PRKN: variants seen among roughly 807,000 people sequenced by gnomAD.
The protein encoded by PRKN is parkin RBR E3 ubiquitin protein ligase, also known as E3 ubiquitin-protein ligase parkin.
In PRKN, 56 loss-of-function variants were observed where a neutral mutation model predicts 59.5. The ratio of observed to expected loss-of-function variants is 0.94; its 90% CI spans 0.76 to 1.18. The LOEUF (loss-of-function observed/expected upper bound fraction) is 1.18, where lower values mean the gene tolerates loss of function less well. PRKN is among the 50% of genes most tolerant of loss of function. The probability of loss-of-function intolerance (pLI) is 0.00; values close to 1 mark genes in which losing one functional copy is unlikely to be tolerated. For synonymous variants in PRKN, 250 were observed against 222.1 expected, an observed-to-expected ratio of 1.13 and a Z score of -1.12; for missense variants, 657 against 596.4, an observed-to-expected ratio of 1.10 and a Z score of -1.06.
At chr6:162,140,321 A>G (rs1781723708) in intron 4 of PRKN, among the ~76,000 whole-genome samples, 1 of 152,238 alleles carries the variant, frequency 6.6e-6, no homozygotes, top group Non-Finnish European at 1.5e-5. Flanking sequence ...TATGGCAGGT[A>G]ATCATTTGCA....
chr6:161,687,525 C>T (rs1456192781), intron 7 of PRKN, among the ~76,000 whole-genome samples: 2 of 150,624 alleles, frequency 1.3e-5, no homozygotes, highest in Non-Finnish European at 3.0e-5. Context: ...GGCACCATCT[C>T]GGCTCACTGC....
chr6:161,866,018 T>C (rs1319753015), intron 6 of PRKN, among the ~76,000 whole-genome samples: 1 of 152,146 alleles, frequency 6.6e-6, no homozygotes, highest in Non-Finnish European at 1.5e-5. Context: ...TTTGAGCCCA[T>C]TGTAAGGTTA....
chr6:162,387,549 CACACACAGAGAGAG>C (rs1224018883), intron 2 of PRKN, among the ~76,000 whole-genome samples: 5 of 75,384 alleles, frequency 6.6e-5, no homozygotes, highest in African/African-American at 3.0e-4. Flanking sequence ...CACACACACA[CACACACAGAGAGAG>C]AGAGAGAGAG....
intron 1 of PRKN, among the ~76,000 whole-genome samples, chr6:162,672,875 A>C (rs907002764): frequency 3.3e-5 from 5 of 152,204 alleles, no homozygotes; most frequent in African/African-American, 4.8e-5. Flanking sequence ...AATACATATC[A>C]AATGTCTTGA....
chr6:162,029,227 G>C (rs1383998383), intron 5 of PRKN, among the ~76,000 whole-genome samples: 1 of 152,088 alleles, frequency 6.6e-6, no homozygotes, highest in Non-Finnish European at 1.5e-5. Context: ...CAGTCACTGG[G>C]TCTGACATTT....
At chr6:162,026,808 G>T (rs1445670368) in intron 5 of PRKN, among the ~76,000 whole-genome samples, 2 of 151,990 alleles carry the variant, frequency 1.3e-5, no homozygotes, top group Non-Finnish European at 2.9e-5. Flanking sequence ...GCAAATTATT[G>T]GTATGTTGTT....
rs140637574 is a variant in PRKN, at chr6:161,907,145, C to T, written c.734+66157G>A. ...CCTCTGAGATGTGAAATTTTCAGTA[C>T]TATTCCTATGGCTTTGTTCTTTTCT... On this transcript the variant is annotated intron_variant, in intron 6 of 11. Coordinates refer to ENST00000366898, the MANE Select transcript of PRKN (RefSeq NM_004562.3). Among the ~76,000 whole-genome samples the T allele has an allele frequency of 1.1e-3, 173 of 152,288 alleles. 1 individual carries two copies. The highest frequency in any genetic ancestry group is 3.9e-3 in the African/African-American group (164 of 41,568).
intron 7 of PRKN, among the ~76,000 whole-genome samples, chr6:161,666,788 G>A (rs1784742010): frequency 6.6e-6 from 1 of 152,142 alleles, no homozygotes; most frequent in Non-Finnish European, 1.5e-5. Context: ...TTGCTGCCTG[G>A]AAGAAAGCAG....
intron 6 of PRKN, among the ~76,000 whole-genome samples, chr6:161,957,409 G>GTTGTTTTTTTTTTTTTTTTTTTTTTTTTT (rs1562418017): frequency 1.6e-5 from 2 of 127,394 alleles, no homozygotes. Context: ...TGTTCTTGTT[G>GTTGTTTTTTTTTTTTTTTTTTTTTTTTTT]TTTTTTTTTT....
chr6:162,194,450 C>T (rs1784414650), intron 4 of PRKN, among the ~76,000 whole-genome samples: 1 of 151,894 alleles, frequency 6.6e-6, no homozygotes, highest in South Asian at 2.1e-4. Flanking sequence ...GGTTTGAAAC[C>T]CAGGCATGAA....
chr6:162,527,345 T>A (rs1437776316), intron 1 of PRKN, among the ~76,000 whole-genome samples: 1 of 152,192 alleles, frequency 6.6e-6, no homozygotes, highest in East Asian at 1.9e-4. Flanking sequence ...TCTTCGAAGG[T>A]ATGCAAAAAC....
chr6:162,235,626 C>T (rs559616766), intron 3 of PRKN, among the ~76,000 whole-genome samples: 110 of 151,898 alleles, frequency 7.2e-4, no homozygotes, highest in Non-Finnish European at 1.1e-3. Flanking sequence ...GCCAACATGG[C>T]GAAACCCTGT....
intron 1 of PRKN, among the ~76,000 whole-genome samples, chr6:162,700,030 G>C (rs1778097779): frequency 6.6e-6 from 1 of 152,080 alleles, no homozygotes; most frequent in Non-Finnish European, 1.5e-5. Context: ...AATAATCATT[G>C]ACGAGCTAAC....
chr6:162,417,980 A>G (rs933198670), intron 2 of PRKN, among the ~76,000 whole-genome samples: 2 of 152,228 alleles, frequency 1.3e-5, no homozygotes, highest in African/African-American at 4.8e-5. Flanking sequence ...ACATTTTACC[A>G]CATGACCCGG....
At position 161,481,311 on chromosome 6, in the gene PRKN, A is replaced by T. The variant is rs148141662; in HGVS notation, c.1083+67543T>A. Among the ~76,000 whole-genome samples the T allele has an allele frequency of 7.6e-3, 1,157 of 152,244 alleles. 15 individuals carry two copies. Among genetic ancestry groups the T allele is most frequent in the African/African-American group, 0.027 (1,109 of 41,528 alleles). ...GCAGAAGGCATCAGGAAAAGTAATA[A>T]AAAGAACCTTTGGCTGGGCGCGTTG... On this transcript the variant is annotated intron_variant, in intron 9 of 11. Transcript: ENST00000366898.
Position 161,588,720 on chromosome 6 carries a change from C to T in PRKN, c.872-19304G>A, listed in dbSNP as rs774017982. On this transcript the variant is annotated intron_variant, in intron 7 of 11. Transcript: ENST00000366898. The surrounding 1 kb of genome is among the most constrained non-coding windows in gnomAD (Gnocchi z 5.0). Reference sequence around the variant, plus strand: ...CACCACAATCCCTAGAAAATACACCCAAAGTGGTTTTTGAGAGGACACCAT... The same window carrying T: ...CACCACAATCCCTAGAAAATACACCTAAAGTGGTTTTTGAGAGGACACCAT... Among the ~76,000 whole-genome samples, 81 of 152,038 alleles carry T rather than the reference C, an allele frequency of 5.3e-4. No homozygotes were observed. Among genetic ancestry groups the T allele is most frequent in the Admixed American group, 9.2e-4 (14 of 15,274 alleles).
intron 2 of PRKN, among the ~76,000 whole-genome samples, chr6:162,440,666 C>T (rs1790008937): frequency 6.6e-6 from 1 of 152,024 alleles, no homozygotes; most frequent in South Asian, 2.1e-4. Flanking sequence ...GCATAGACAC[C>T]ACCCCAGCCA....
At chr6:161,900,373 G>A (rs1777842720) in intron 6 of PRKN, among the ~76,000 whole-genome samples, 1 of 148,504 alleles carries the variant, frequency 6.7e-6, no homozygotes, top group Admixed American at 6.8e-5. Flanking sequence ...TAACACATGA[G>A]CCTGGATGCT....
chr6:162,474,738 G>T lies in PRKN; in HGVS notation c.8-31265C>A, dbSNP rs964141880. The stretch of plus-strand genomic sequence containing the variant: ...TTTCGATGGGAGATGATGATCTTGT[G>T]ATCTGTAGATAAGAGACTCTGAATA... On this transcript the variant is annotated intron_variant, in intron 1 of 11. Transcript: ENST00000366898. Among the ~76,000 whole-genome samples the T allele has an allele frequency of 2.0e-4, 31 of 152,128 alleles. 1 individual carries two copies. Among genetic ancestry groups the T allele is most frequent in the Admixed American group, 2.0e-3 (31 of 15,272 alleles).
Sources: allele counts gnomAD v4.1 joint callset (sites outside exome capture counted in the v4.1 genomes callset), GRCh38; gene constraint gnomAD v4.1.1; non-coding constraint Gnocchi (gnomAD v3.1); transcripts MANE v1.5; gene names NCBI Gene and HGNC (gene_info 2026-07-23, HGNC 2026-07-21).